Variants in PBX1 observed in about 807,000 individuals in gnomAD.
PBX1 encodes pre-B-cell leukemia transcription factor 1.
A neutral mutation model predicts 53.4 loss-of-function variants in PBX1; 6 were observed. The ratio of observed to expected loss-of-function variants is 0.11; its 90% CI spans 0.06 to 0.22. PBX1 has a LOEUF of 0.22. Among genes scored for constraint, PBX1 ranks in the 10% least tolerant of loss-of-function variants. The pLI, the probability that PBX1 is intolerant of heterozygous loss-of-function variation, is 1.00. For synonymous variants in PBX1, 204 were observed against 212.3 expected (o/e 0.96, Z 0.34); for missense variants, 251 against 551.4 (o/e 0.46, Z 5.46).
chr1:164,753,246 C>T (rs1419676081), intron 2 of PBX1, among the ~76,000 whole-genome samples: 1 of 152,132 alleles, frequency 6.6e-6, no homozygotes, highest in East Asian at 1.9e-4. Flanking sequence ...TAAAAAAGTG[C>T]ACAGCATGTA....
rs569427518 is a variant in PBX1, at chr1:164,577,834, T to G, written c.265+14523T>G. On this transcript the variant is annotated intron_variant, in intron 2 of 8. Transcript: ENST00000420696. ...CCAGCTGGAGAATCAAGCCCATTAT[T>G]AATTTCACAGGATGAATTTCTCATC... is the stretch of plus-strand genomic sequence containing the variant. Among the ~76,000 whole-genome samples, 33 of 152,342 alleles carry G rather than the reference T, an allele frequency of 2.2e-4. No individual in the cohort carries two copies. The South Asian group carries it at 6.4e-3, about 30-fold the overall frequency.
At chr1:164,755,043 C>CT (rs1389293196) in intron 2 of PBX1, among the ~76,000 whole-genome samples, 1 of 152,230 alleles carries the variant, frequency 6.6e-6, no homozygotes, top group African/African-American at 2.4e-5. Context: ...CAACTCCTCT[C>CT]TCCTTGGACC....
chr1:164,703,272 T>C (rs1432296160), intron 2 of PBX1: 1 of 152,170 alleles, frequency 6.6e-6, no homozygotes, highest in Non-Finnish European at 1.5e-5. Flanking sequence ...TGCCTCAGCA[T>C]CCCAAGTAGA....
At chr1:164,658,188 CT>C (rs1660276106) in intron 2 of PBX1, among the ~76,000 whole-genome samples, 1 of 150,872 alleles carries the variant, frequency 6.6e-6, no homozygotes, top group Non-Finnish European at 1.5e-5. Context: ...AAAAGAAAGA[CT>C]GGAATTTAAA....
chr1:164,757,754 C>G (rs2102212991), intron 2 of PBX1, among the ~76,000 whole-genome samples: 1 of 151,636 alleles, frequency 6.6e-6, no homozygotes, highest in African/African-American at 2.4e-5. Context: ...ATTTCGTCAC[C>G]CAGCATGTTT....
rs1670727369 is a variant in PBX1 at position 164,831,001 on chromosome 1, T to C, written c.1200+9375T>C. Among the ~76,000 whole-genome samples, 2 of 152,238 alleles carry C rather than the reference T, an allele frequency of 1.3e-5. 1 individual carries two copies. Among genetic ancestry groups the C allele is most frequent in the South Asian group, 4.1e-4 (2 of 4,834 alleles). On this transcript the variant is annotated intron_variant, in intron 8 of 8. Transcript: ENST00000420696. Reference sequence around the variant, plus strand: ...GGCTTACTGAAGAGAAGGAATTACATAGCTTTATTTGCATTAAGGATACCT... The same window carrying C: ...GGCTTACTGAAGAGAAGGAATTACACAGCTTTATTTGCATTAAGGATACCT...
chr1:164,730,324 T>A (rs1664909140), intron 2 of PBX1, among the ~76,000 whole-genome samples: 1 of 152,176 alleles, frequency 6.6e-6, no homozygotes, highest in African/African-American at 2.4e-5. Flanking sequence ...GGCCTGGTGA[T>A]GCTGCTGTGT....
chr1:164,590,553 A>G (rs1655302276), intron 2 of PBX1: 2 of 444,620 alleles, frequency 4.5e-6, no homozygotes, highest in Admixed American at 2.4e-5. Flanking sequence ...GTGAAATCTT[A>G]CTTGGCATTG....
At chr1:164,725,658 C>A (rs1664661320) in intron 2 of PBX1, among the ~76,000 whole-genome samples, 1 of 152,116 alleles carries the variant, frequency 6.6e-6, no homozygotes, top group Non-Finnish European at 1.5e-5. Flanking sequence ...GTCTAACATT[C>A]TCAGACTAAT....
intron 2 of PBX1, among the ~76,000 whole-genome samples, chr1:164,590,611 T>C (rs903550482): frequency 4.6e-5 from 7 of 152,142 alleles, no homozygotes; most frequent in Admixed American, 1.3e-4. Context: ...TTCAGAATCA[T>C]AGTGGACTAT....
chr1:164,659,034 T>A (rs1660333007), intron 2 of PBX1, among the ~76,000 whole-genome samples: 1 of 152,164 alleles, frequency 6.6e-6, no homozygotes, highest in South Asian at 2.1e-4. Context: ...CAATCCCACA[T>A]ATTAACCTCA....
chr1:164,765,791 A>T (rs1667031598), intron 2 of PBX1, among the ~76,000 whole-genome samples: 1 of 152,138 alleles, frequency 6.6e-6, no homozygotes, highest in African/African-American at 2.4e-5. Flanking sequence ...TTTCCAGGGT[A>T]CCATGGAAAC....
At chr1:164,632,406 G>C (rs1169518028) in intron 2 of PBX1, among the ~76,000 whole-genome samples, 2 of 152,164 alleles carry the variant, frequency 1.3e-5, no homozygotes, top group African/African-American at 4.8e-5. Context: ...GGGTGAGGGG[G>C]AAGTTGGGCT....
In PBX1 at chr1:164,732,571, G is replaced by A. The variant is rs188580239; in HGVS notation, c.266-59923G>A. 3.9e-3 allele frequency among the ~76,000 whole-genome samples: 592 copies of A among 152,162 alleles called. 4 individuals are homozygous for A. Among genetic ancestry groups the A allele is most frequent in the African/African-American group, 0.014 (573 of 41,538 alleles). On this transcript the variant is annotated intron_variant, in intron 2 of 8. Coordinates refer to ENST00000420696, the MANE Select transcript of PBX1 (RefSeq NM_002585.4). ...ATGTATCTATTAGGTTGGTGCAAAA[G>A]TAATTGAGGTCTTTCCATTACTTTT... is the stretch of plus-strand genomic sequence containing the variant.
At chr1:164,692,474 A>C (rs927769832) in intron 2 of PBX1, among the ~76,000 whole-genome samples, 1 of 152,178 alleles carries the variant, frequency 6.6e-6, no homozygotes, top group African/African-American at 2.4e-5. Context: ...GACCCCTTAT[A>C]GATAACACAA....
At chr1:164,598,937 G>A (rs907881146) in intron 2 of PBX1, among the ~76,000 whole-genome samples, 1 of 152,132 alleles carries the variant, frequency 6.6e-6, no homozygotes, top group Non-Finnish European at 1.5e-5. Flanking sequence ...TTATTCAACA[G>A]GTGTGTGGCT....
At chr1:164,663,617 C>T (rs12128803) in intron 2 of PBX1, among the ~76,000 whole-genome samples, 7,617 of 152,246 alleles carry the variant, frequency 0.05, 324 homozygotes, top group Admixed American at 0.13. Flanking sequence ...GATGATTGCA[C>T]CTGTCTGTCA....
At chr1:164,639,378 T>G (rs979046312) in intron 2 of PBX1, among the ~76,000 whole-genome samples, 1 of 152,168 alleles carries the variant, frequency 6.6e-6, no homozygotes, top group Non-Finnish European at 1.5e-5. Context: ...AGATGAGAGA[T>G]CTCTCTCCTT....
chr1:164,573,484 C>CTTTT (rs747696401), intron 2 of PBX1, among the ~76,000 whole-genome samples: 2 of 104,622 alleles, frequency 1.9e-5, no homozygotes. Flanking sequence ...TACAGCACAT[C>CTTTT]TTTTTTTTTT....
Sources: gnomAD v4.1 joint callset for allele counts (sites outside exome capture counted in the v4.1 genomes callset) on GRCh38, gnomAD v4.1.1 for gene constraint, MANE v1.5 for transcripts, NCBI Gene and HGNC (gene_info 2026-07-23, HGNC 2026-07-21) for gene names.